Variants in DDR2 observed in about 807,000 individuals in gnomAD.
DDR2 encodes discoidin domain receptor tyrosine kinase 2, also known as discoidin domain-containing receptor 2.
A neutral mutation model predicts 94.9 loss-of-function variants in DDR2; 27 were observed. The ratio of observed to expected loss-of-function variants is 0.28; its 90% confidence interval spans 0.21 to 0.39. DDR2 has a LOEUF of 0.39. Ranked by LOEUF, DDR2 falls within the 10% of genes least tolerant of loss-of-function variation. The pLI, the probability that DDR2 is intolerant of heterozygous loss-of-function variation, is 1.00. For synonymous variants in DDR2, 382 were observed against 377.2 expected, an observed-to-expected ratio of 1.01 and a Z score of -0.15; for missense variants, 783 against 1,076.0, an observed-to-expected ratio of 0.73 and a Z score of 3.81.
chr1:162,770,596 T>C (rs1186689972), intron 12 of DDR2, 84 bp downstream of exon 12: 2 of 1,309,938 alleles, frequency 1.5e-6, no homozygotes, highest in South Asian at 1.2e-5. Flanking sequence ...TCCCAGTTCA[T>C]TGCATCTATT....
At chr1:162,657,757 C>A (rs1225194709) in intron 2 of DDR2, among the ~76,000 whole-genome samples, 2 of 152,060 alleles carry the variant, frequency 1.3e-5, no homozygotes, top group Non-Finnish European at 2.9e-5. Flanking sequence ...CTTATGAGAT[C>A]CAGTGGTGGT....
Position 162,778,702 on chromosome 1 carries a change from A to C in DDR2, c.2406A>C (p.Gly802=), listed in dbSNP as rs759135161. 16 of 1,613,872 alleles carry C rather than the reference A, an allele frequency of 9.9e-6. No individual in the cohort carries two copies. Among genetic ancestry groups the C allele is most frequent in the Middle Eastern group, 3.3e-4 (2 of 6,084 alleles). Residue 802 remains glycine, a synonymous_variant, in exon 17 of 18, where the codon GGA becomes GGC. Transcript: ENST00000367921. ...ATGAACAGGTTATTGAGAATACTGG[A>C]GAGTTCTTCCGAGACCAAGGGAGGC... ...LSDEQVIENT[G]EFFRDQGRQT...
intron 9 of DDR2, among the ~76,000 whole-genome samples, chr1:162,762,192 C>T (rs1005071147): frequency 2.0e-5 from 3 of 152,042 alleles, no homozygotes; most frequent in African/African-American, 7.2e-5. Flanking sequence ...TAAAAAATTC[C>T]TTCCATTTTT....
At chr1:162,775,179 G>A (rs1041609822) in intron 14 of DDR2, among the ~76,000 whole-genome samples, 4 of 151,588 alleles carry the variant, frequency 2.6e-5, no homozygotes, top group Admixed American at 1.3e-4. Context: ...AGAAAATAAA[G>A]AGTAATCAGA....
At chr1:162,735,458 C>G (rs1662254146) in intron 3 of DDR2, among the ~76,000 whole-genome samples, 1 of 152,180 alleles carries the variant, frequency 6.6e-6, no homozygotes, top group Non-Finnish European at 1.5e-5. Flanking sequence ...AGCAACCCCA[C>G]CAGAGTTTCT....
chr1:162,718,991 T>G, intron 2 of DDR2, 46 bp from the exon 3 acceptor site: 2 of 1,584,154 alleles, frequency 1.3e-6, no homozygotes, highest in Non-Finnish European at 1.7e-6. Flanking sequence ...CTCACTCATT[T>G]CCTCTCCTTC....
chr1:162,708,561 C>G (rs950584457), intron 2 of DDR2, among the ~76,000 whole-genome samples: 1 of 152,134 alleles, frequency 6.6e-6, no homozygotes, highest in African/African-American at 2.4e-5. Flanking sequence ...GATCAAGCAG[C>G]GTAATCACAT....
intron 2 of DDR2, among the ~76,000 whole-genome samples, chr1:162,705,694 G>A (rs1398449101): frequency 2.0e-5 from 3 of 152,158 alleles, no homozygotes; most frequent in Non-Finnish European, 2.9e-5. Flanking sequence ...GGTATGGGAC[G>A]ATTGCTTAGG....
intron 2 of DDR2, among the ~76,000 whole-genome samples, chr1:162,705,311 C>T (rs911158164): frequency 9.2e-5 from 14 of 152,188 alleles, no homozygotes; most frequent in Non-Finnish European, 1.9e-4. Context: ...ATTCCAGCTA[C>T]GAGCCAATGG....
chr1:162,752,372 TG>T (rs2102125645), intron 3 of DDR2, among the ~76,000 whole-genome samples: 1 of 152,356 alleles, frequency 6.6e-6, no homozygotes, highest in South Asian at 2.1e-4. Flanking sequence ...AGTAAGCTGA[TG>T]CCACCGTAGG....
intron 2 of DDR2, among the ~76,000 whole-genome samples, chr1:162,686,130 A>G (rs1659675202): frequency 6.6e-6 from 1 of 152,126 alleles, no homozygotes; most frequent in Admixed American, 6.5e-5. Flanking sequence ...GGTTCAAGCG[A>G]TTCTCCTACT....
At chr1:162,757,210 GT>G (rs1484777051) in intron 7 of DDR2, among the ~76,000 whole-genome samples, 2 of 152,176 alleles carry the variant, frequency 1.3e-5, no homozygotes, top group Non-Finnish European at 2.9e-5. Flanking sequence ...TAAAATGTGT[GT>G]GAAAAGCATT....
chr1:162,652,885 G>T (rs1308572658), intron 1 of DDR2, among the ~76,000 whole-genome samples: 3 of 151,182 alleles, frequency 2.0e-5, no homozygotes, highest in African/African-American at 7.3e-5. Context: ...TGGGAGGATT[G>T]CTTGAACTCA....
chr1:162,694,672 T>A (rs1207991264), intron 2 of DDR2, among the ~76,000 whole-genome samples: 1 of 152,094 alleles, frequency 6.6e-6, no homozygotes, highest in African/African-American at 2.4e-5. Flanking sequence ...GCAAAGTTTC[T>A]GATGTTTAGA....
intron 2 of DDR2, among the ~76,000 whole-genome samples, chr1:162,707,830 T>C (rs1193410438): frequency 1.3e-5 from 2 of 152,256 alleles, no homozygotes; most frequent in South Asian, 2.1e-4. Context: ...ATCCCAGGAA[T>C]GGTACTGTAA....
intron 2 of DDR2, among the ~76,000 whole-genome samples, chr1:162,673,594 TATGTGTGTGTGTGTGAGAGAGA>T (rs60952440): frequency 0.018 from 2,174 of 121,616 alleles, 59 homozygotes; most frequent in East Asian, 0.11. Flanking sequence ...TGTGTGTGTG[TATGTGTGTGTGTGTGAGAGAGA>T]GAGAGAGAGA....
At chr1:162,714,180 G>A (rs1234498889) in intron 2 of DDR2, among the ~76,000 whole-genome samples, 3 of 152,122 alleles carry the variant, frequency 2.0e-5, no homozygotes, top group Non-Finnish European at 4.4e-5. Context: ...ATTAATACTA[G>A]AAGTTATTTC....
At chr1:162,673,673 T>A (rs540340127) in intron 2 of DDR2, among the ~76,000 whole-genome samples, 139 of 151,734 alleles carry the variant, frequency 9.2e-4, no homozygotes, top group African/African-American at 3.2e-3. Context: ...GAATCTGTTT[T>A]TTAAGAACTC....
At chr1:162,704,957 A>G (rs61811982) in intron 2 of DDR2, 14,167 of 152,200 alleles carry the variant, frequency 0.093, 729 homozygotes, top group Non-Finnish European at 0.11. Context: ...TGCTTTTGGG[A>G]GAATCATTGA....
Sources: allele counts gnomAD v4.1 joint callset (sites outside exome capture counted in the v4.1 genomes callset), GRCh38; gene constraint gnomAD v4.1.1; transcripts MANE v1.5; gene names NCBI Gene and HGNC (gene_info 2026-07-23, HGNC 2026-07-21).